Variants in CHRM5 observed in about 807,000 individuals in gnomAD.
The protein encoded by CHRM5 is cholinergic receptor muscarinic 5, also known as muscarinic acetylcholine receptor M5.
CHRM5 carries 18 observed loss-of-function variants against 39.0 expected under a neutral mutation model. The ratio of observed to expected loss-of-function variants is 0.46; its 90% CI spans 0.32 to 0.68. CHRM5 has a LOEUF of 0.68. CHRM5 is among the 30% of genes least tolerant of loss of function. The pLI is 0.04. For missense variants in CHRM5, 515 were observed against 651.1 expected (o/e 0.79, Z 2.28); for synonymous variants, 241 against 246.3 (o/e 0.98, Z 0.20).
chr15:33,992,874 C>T (rs905893000), intron 1 of CHRM5, among the ~76,000 whole-genome samples: 15 of 152,170 alleles, frequency 9.9e-5, no homozygotes, highest in African/African-American at 3.4e-4. Flanking sequence ...AATAGCTTTT[C>T]ATAAAATTAA....
intron 1 of CHRM5, among the ~76,000 whole-genome samples, chr15:34,034,940 A>G (rs1339424705): frequency 6.6e-6 from 1 of 152,236 alleles, no homozygotes; most frequent in East Asian, 1.9e-4. Context: ...AGCTTTTAAC[A>G]GGCTCTCAGT....
intron 1 of CHRM5, among the ~76,000 whole-genome samples, chr15:34,026,889 G>C (rs1396571665): frequency 2.0e-5 from 3 of 152,168 alleles, no homozygotes; most frequent in African/African-American, 4.8e-5. Flanking sequence ...CCAAAGACTA[G>C]AACTGTGGCC....
intron 1 of CHRM5, among the ~76,000 whole-genome samples, chr15:34,015,995 G>T (rs116745302): frequency 3.9e-5 from 6 of 152,160 alleles, no homozygotes; most frequent in Non-Finnish European, 1.5e-5. Context: ...ACTGGAAAGC[G>T]GCTGGGCGCG....
At chr15:33,990,429 T>C (rs1349694560) in intron 1 of CHRM5, among the ~76,000 whole-genome samples, 1 of 151,976 alleles carries the variant, frequency 6.6e-6, no homozygotes, top group Non-Finnish European at 1.5e-5. Context: ...GATTTGATGA[T>C]GCAGCCAGTT....
intron 1 of CHRM5, among the ~76,000 whole-genome samples, chr15:34,038,600 G>C (rs1165353659): frequency 7.6e-6 from 1 of 132,196 alleles, no homozygotes; most frequent in Non-Finnish European, 1.6e-5. Context: ...CGCATACCCA[G>C]GCGCGCCCCC....
intron 1 of CHRM5, among the ~76,000 whole-genome samples, chr15:33,979,123 G>T (rs1156322509): frequency 1.3e-5 from 2 of 152,028 alleles, no homozygotes; most frequent in African/African-American, 4.8e-5. Context: ...ATATCAATTT[G>T]ATTATAGCTT....
At chr15:33,972,143 T>C (rs919448628) in intron 1 of CHRM5, 7 of 152,116 alleles carry the variant, frequency 4.6e-5, no homozygotes, top group Non-Finnish European at 7.4e-5. Flanking sequence ...GTTTTCTCAT[T>C]AATAATTCAA....
intron 1 of CHRM5, among the ~76,000 whole-genome samples, chr15:33,996,855 CTT>C (rs1896957241): frequency 6.6e-6 from 1 of 152,204 alleles, no homozygotes; most frequent in Non-Finnish European, 1.5e-5. Flanking sequence ...TGGAGAATGA[CTT>C]TGATGAGCTG....
intron 1 of CHRM5, among the ~76,000 whole-genome samples, chr15:34,011,410 T>G (rs549283427): frequency 6.6e-6 from 1 of 152,062 alleles, no homozygotes; most frequent in East Asian, 1.9e-4. Context: ...TTTGAAAAAA[T>G]TAATAAATGC....
intron 1 of CHRM5, among the ~76,000 whole-genome samples, chr15:34,045,488 A>G (rs1899649931): frequency 6.6e-6 from 1 of 152,218 alleles, no homozygotes; most frequent in South Asian, 2.1e-4. Context: ...TATCTAACAC[A>G]GTGGTACCCC....
intron 1 of CHRM5, among the ~76,000 whole-genome samples, chr15:34,008,669 T>C (rs1032094579): frequency 1.3e-5 from 2 of 151,592 alleles, no homozygotes; most frequent in Non-Finnish European, 2.9e-5. Flanking sequence ...TTTGTATTTA[T>C]AGTAGAGACA....
rs774093394 is a variant in CHRM5, at chr15:34,064,009, G to C, written c.1292G>C (p.Arg431Thr). 1.9e-6 allele frequency: 3 copies of C among 1,614,174 alleles called. No homozygotes were observed. The highest frequency in any genetic ancestry group is 2.5e-6 in the Non-Finnish European group (3 of 1,180,028). ...NPSHQMTKRK[R>T]VVLVKERKAA... ...AGCCATCAAATGACCAAACGAAAGA[G>C]AGTGGTCCTAGTCAAAGAGAGGAAA... Residue 431 changes from arginine (R) to threonine (T), a missense_variant, in exon 3 of 3, where the codon AGA becomes ACA. Arg to Thr is a moderately conservative substitution (Grantham distance 71). Coordinates refer to ENST00000383263, the MANE Select transcript of CHRM5 (RefSeq NM_012125.4).
chr15:34,058,034 A>C (rs1223671351), intron 2 of CHRM5, among the ~76,000 whole-genome samples: 2 of 152,172 alleles, frequency 1.3e-5, no homozygotes, highest in Non-Finnish European at 2.9e-5. Flanking sequence ...GCAAGCTGGA[A>C]AATCCAGCAG....
At chr15:34,005,736 C>A (rs1400893216) in intron 1 of CHRM5, among the ~76,000 whole-genome samples, 1 of 152,192 alleles carries the variant, frequency 6.6e-6, no homozygotes, top group African/African-American at 2.4e-5. Context: ...ATTCACTTAA[C>A]AAATTTAACA....
At chr15:34,004,530 A>G (rs1300260863) in intron 1 of CHRM5, among the ~76,000 whole-genome samples, 1 of 152,184 alleles carries the variant, frequency 6.6e-6, no homozygotes, top group Admixed American at 6.5e-5. Context: ...TAATGACTGG[A>G]TATTTGATTA....
chr15:34,003,568 T>G (rs1017522272), intron 1 of CHRM5, among the ~76,000 whole-genome samples: 1 of 152,214 alleles, frequency 6.6e-6, no homozygotes, highest in Non-Finnish European at 1.5e-5. Flanking sequence ...AACTCTCCCT[T>G]TCAATTTATG....
rs768500874 is a variant in CHRM5, at chr15:34,063,341, C to A, written c.624C>A (p.Val208=). The A allele has an allele frequency of 1.9e-6, 3 of 1,614,182 alleles. No homozygotes were observed. The highest frequency in any genetic ancestry group is 2.5e-6 in the Non-Finnish European group (3 of 1,180,046). ...AIAAFYIPVS[V]MTILYCRIYR... ...CTGCCTTCTACATCCCTGTTTCTGT[C>A]ATGACCATCCTCTACTGTCGAATCT... Residue 208 remains valine, a synonymous_variant, in exon 3 of 3, where the codon GTC becomes GTA. Transcript: ENST00000383263. This position sits in a 1 kb window ranked among gnomAD's most constrained non-coding sequence, Gnocchi z 4.1.
intron 1 of CHRM5, among the ~76,000 whole-genome samples, chr15:33,989,763 T>C (rs1896638372): frequency 6.6e-6 from 1 of 152,016 alleles, no homozygotes; most frequent in Admixed American, 6.6e-5. Flanking sequence ...AAATATGACA[T>C]TGATCAGAAG....
At chr15:34,009,286 G>A (rs1422738775) in intron 1 of CHRM5, among the ~76,000 whole-genome samples, 4 of 151,924 alleles carry the variant, frequency 2.6e-5, no homozygotes, top group African/African-American at 9.7e-5. Flanking sequence ...AAAAACAAGT[G>A]GTCCTAAACA....
Sources: allele counts gnomAD v4.1 joint callset (sites outside exome capture counted in the v4.1 genomes callset), GRCh38; gene constraint gnomAD v4.1.1; non-coding constraint Gnocchi (gnomAD v3.1); transcripts MANE v1.5; gene names NCBI Gene and HGNC (gene_info 2026-07-23, HGNC 2026-07-21).